CSMD1: variants seen among roughly 807,000 people sequenced by gnomAD.
The protein encoded by CSMD1 is CUB and Sushi multiple domains 1.
In CSMD1, 213 loss-of-function variants were observed where a neutral mutation model predicts 417.5. The observed-to-expected ratio is 0.51, with a 90% CI of 0.46 to 0.57. The LOEUF is 0.57. Among genes scored for constraint, CSMD1 ranks in the 20% least tolerant of loss-of-function variants. The pLI, the probability that CSMD1 is intolerant of heterozygous loss-of-function variation, is 0.00. For synonymous variants in CSMD1, 2,862 were observed against 1,736.8 expected (o/e 1.65, Z -16.11); for missense variants, 6,923 against 4,529.7 (o/e 1.53, Z -15.17).
intron 17 of CSMD1, among the ~76,000 whole-genome samples, chr8:3,395,192 T>C (rs1048090450): frequency 2.6e-5 from 4 of 152,182 alleles, no homozygotes; most frequent in Non-Finnish European, 4.4e-5. Flanking sequence ...TGGGTATATG[T>C]AAATTTTAAA....
At chr8:4,075,996 G>C (rs1425699865) in intron 3 of CSMD1, among the ~76,000 whole-genome samples, 2 of 152,132 alleles carry the variant, frequency 1.3e-5, no homozygotes, top group African/African-American at 2.4e-5. Context: ...TTCTCTGGGA[G>C]GGTGGAGGGG....
At chr8:3,348,201 T>C (rs1440896393) in intron 21 of CSMD1, 40 bp from the exon 22 acceptor site, 1 of 1,531,546 alleles carries the variant, frequency 6.5e-7, no homozygotes, top group East Asian at 2.3e-5. Context: ...GATTCAAAAG[T>C]GGAATTACTG....
chr8:4,631,341 G>C (rs1479508834), intron 2 of CSMD1, among the ~76,000 whole-genome samples: 1 of 151,916 alleles, frequency 6.6e-6, no homozygotes, highest in Non-Finnish European at 1.5e-5. Context: ...CAGCCTGGGA[G>C]ACAGGGCAAG....
chr8:3,104,241 T>A (rs1377149725), intron 46 of CSMD1, among the ~76,000 whole-genome samples: 2 of 152,308 alleles, frequency 1.3e-5, no homozygotes, highest in South Asian at 4.1e-4. Flanking sequence ...GAACACTTTT[T>A]ATATCCCCCC....
At chr8:4,563,323 C>T (rs1798437453) in intron 2 of CSMD1, among the ~76,000 whole-genome samples, 1 of 152,192 alleles carries the variant, frequency 6.6e-6, no homozygotes, top group South Asian at 2.1e-4. Context: ...ATGGCGTGAA[C>T]CCAGGAGATA....
intron 37 of CSMD1, among the ~76,000 whole-genome samples, chr8:3,178,517 G>A (rs1563114686): frequency 6.6e-6 from 1 of 152,076 alleles, no homozygotes; most frequent in African/African-American, 2.4e-5. Context: ...TCAGTAAATG[G>A]TATTCGTAAT....
intron 5 of CSMD1, among the ~76,000 whole-genome samples, chr8:3,806,158 C>G (rs535711625): frequency 6.6e-6 from 1 of 152,108 alleles, no homozygotes; most frequent in South Asian, 2.1e-4. Flanking sequence ...CCTGACACAA[C>G]CCATCATATA....
At chr8:4,021,477 G>A (rs576071312) in intron 4 of CSMD1, among the ~76,000 whole-genome samples, 1 of 152,254 alleles carries the variant, frequency 6.6e-6, no homozygotes, top group South Asian at 2.1e-4. Context: ...TAAGCGTGTG[G>A]CAGTTGAATC....
chr8:3,606,363 A>T (rs1801613115), intron 8 of CSMD1, among the ~76,000 whole-genome samples: 2 of 152,150 alleles, frequency 1.3e-5, no homozygotes, highest in Non-Finnish European at 2.9e-5. Flanking sequence ...CAGGCTATGA[A>T]CCCATACGGC....
intron 2 of CSMD1, among the ~76,000 whole-genome samples, chr8:4,606,472 C>T (rs1315839662): frequency 1.3e-5 from 2 of 152,132 alleles, no homozygotes; most frequent in African/African-American, 2.4e-5. Flanking sequence ...CAACATCATC[C>T]GATGCCAAGC....
chr8:4,568,869 T>G (rs1416134210), intron 2 of CSMD1, among the ~76,000 whole-genome samples: 1 of 152,210 alleles, frequency 6.6e-6, no homozygotes. Context: ...CTCTAATGAC[T>G]AGTGATGATG....
At chr8:4,263,976 T>G (rs1033369658) in intron 3 of CSMD1, among the ~76,000 whole-genome samples, 13 of 152,198 alleles carry the variant, frequency 8.5e-5, no homozygotes, top group African/African-American at 3.1e-4. Context: ...AATCATAGCC[T>G]CAGGAGACAA....
chr8:3,047,409 G>A (rs1268869454), intron 50 of CSMD1, among the ~76,000 whole-genome samples: 1 of 151,926 alleles, frequency 6.6e-6, no homozygotes, highest in Non-Finnish European at 1.5e-5. Flanking sequence ...ATATCTTCAG[G>A]CTCTAAGGGC....
chr8:3,459,756 C>T lies in CSMD1; in HGVS notation c.1561+8956G>A, dbSNP rs540048564. ...GCACTCAAGAATGAGGCTGCCGGCA[C>T]ATGAACAGATTTGGGTCCAGGAATC... On this transcript the variant is annotated intron_variant, in intron 12 of 69. Coordinates refer to ENST00000635120, the MANE Select transcript of CSMD1 (RefSeq NM_033225.6). Among the ~76,000 whole-genome samples the T allele has an allele frequency of 4.6e-5, 7 of 152,172 alleles. No homozygotes were observed. In the East Asian group the frequency reaches 1.2e-3, roughly 25 times the overall value.
chr8:4,204,163 G>T (rs551715929), intron 3 of CSMD1, among the ~76,000 whole-genome samples: 1 of 152,004 alleles, frequency 6.6e-6, no homozygotes, highest in Non-Finnish European at 1.5e-5. Flanking sequence ...GAAATTCATT[G>T]ACTGTGCCCA....
chr8:3,021,341 A>C (rs1252796443), intron 51 of CSMD1, among the ~76,000 whole-genome samples: 3 of 152,240 alleles, frequency 2.0e-5, no homozygotes, highest in Non-Finnish European at 2.9e-5. Context: ...GTTTCCTTGT[A>C]TGGTAGTAAA....
At chr8:4,060,158 T>G (rs1461098744) in intron 3 of CSMD1, among the ~76,000 whole-genome samples, 1 of 152,174 alleles carries the variant, frequency 6.6e-6, no homozygotes, top group African/African-American at 2.4e-5. Context: ...TCAATAAATG[T>G]AATCCAGCAT....
rs777408813 is a variant in CSMD1, at chr8:3,997,959, C to G, written c.762G>C (p.Gln254His). Residue 254 changes from glutamine (Q) to histidine (H), a missense_variant, in exon 5 of 70, where the codon CAG becomes CAC. Physicochemically the swap from Gln to His is conservative, Grantham distance 24 (BLOSUM62 0). Coordinates refer to ENST00000635120, the MANE Select transcript of CSMD1 (RefSeq NM_033225.6). ...DTIALVFTDF[Q>H]LEEGYDFLEI... is the part of the protein sequence containing the mutation. Reference sequence around the variant, plus strand: ...CTAAGAAATCATATCCTTCTTCTAGCTGAAAGTCAGTGAAGACCAGCGCAA... The same window carrying G: ...CTAAGAAATCATATCCTTCTTCTAGGTGAAAGTCAGTGAAGACCAGCGCAA... 2 of 1,612,012 alleles carry G rather than the reference C, an allele frequency of 1.2e-6. No individual in the cohort carries two copies. Among genetic ancestry groups the G allele is most frequent in the Admixed American group, 1.7e-5 (1 of 59,814 alleles).
At position 3,900,466 on chromosome 8, in the gene CSMD1, G is replaced by C. The variant is rs529628495; in HGVS notation, c.818+97437C>G. Among the ~76,000 whole-genome samples the C allele has an allele frequency of 1.5e-4, 23 of 151,566 alleles. No individual in the cohort carries two copies. In the East Asian group the frequency reaches 3.9e-3, roughly 26 times the overall value. ...GCACAGCTGCATAACAGTGCAGCTGGGTGACACTGTACCTGGTTGACAGTG... is the reference window on the plus strand; with the variant it reads ...GCACAGCTGCATAACAGTGCAGCTGCGTGACACTGTACCTGGTTGACAGTG... On this transcript the variant is annotated intron_variant, in intron 5 of 69. Transcript: ENST00000635120.
Sources: allele counts gnomAD v4.1 joint callset (sites outside exome capture counted in the v4.1 genomes callset), GRCh38; gene constraint gnomAD v4.1.1; transcripts MANE v1.5; gene names NCBI Gene and HGNC (gene_info 2026-07-23, HGNC 2026-07-21).